The following TMEM117 variants were observed in gnomAD, a reference collection of about 807,000 sequenced individuals.
TMEM117 encodes transmembrane protein 117.
TMEM117 carries 27 observed loss-of-function variants against 52.4 expected under a neutral mutation model. The ratio of observed to expected loss-of-function variants is 0.51; its 90% confidence interval spans 0.38 to 0.71. The LOEUF is 0.71. TMEM117 is among the 30% of genes least tolerant of loss of function. TMEM117 has a pLI of 0.00. For synonymous variants in TMEM117, 215 were observed against 206.3 expected (o/e 1.04, Z -0.36); for missense variants, 556 against 630.5 (o/e 0.88, Z 1.26).
chr12:43,981,112 G>A (rs1241694918), intron 3 of TMEM117, among the ~76,000 whole-genome samples: 1 of 152,096 alleles, frequency 6.6e-6, no homozygotes, highest in South Asian at 2.1e-4. Flanking sequence ...AAGAAAGTTA[G>A]TGTCTTTCCC....
At chr12:44,277,403 T>C (rs1028366576) in intron 5 of TMEM117, among the ~76,000 whole-genome samples, 2 of 152,136 alleles carry the variant, frequency 1.3e-5, no homozygotes, top group Non-Finnish European at 2.9e-5. Flanking sequence ...ATTACAAGAA[T>C]TTTGATATCT....
intron 1 of TMEM117, among the ~76,000 whole-genome samples, chr12:43,839,969 C>G (rs1052123387): frequency 3.3e-5 from 5 of 152,220 alleles, no homozygotes; most frequent in African/African-American, 1.2e-4. Context: ...TTAACTCTCA[C>G]AGGATAACCC....
At chr12:44,029,760 G>A (rs924633242) in intron 3 of TMEM117, among the ~76,000 whole-genome samples, 6 of 152,192 alleles carry the variant, frequency 3.9e-5, no homozygotes, top group Admixed American at 3.3e-4. Flanking sequence ...TAGTGGAGAG[G>A]GGTACCTTAG....
At chr12:43,943,478 C>T (rs955361176) in intron 2 of TMEM117, among the ~76,000 whole-genome samples, 1 of 152,118 alleles carries the variant, frequency 6.6e-6, no homozygotes, top group African/African-American at 2.4e-5. Flanking sequence ...TAGTGTTCAT[C>T]TTAATATATG....
intron 2 of TMEM117, among the ~76,000 whole-genome samples, chr12:43,885,562 A>G (rs1392313498): frequency 6.6e-6 from 1 of 151,982 alleles, no homozygotes; most frequent in Admixed American, 6.6e-5. Flanking sequence ...TACCATTTTG[A>G]GATGACTACT....
At chr12:43,977,519 A>G (rs1037264915) in intron 3 of TMEM117, among the ~76,000 whole-genome samples, 1 of 152,172 alleles carries the variant, frequency 6.6e-6, no homozygotes, top group Non-Finnish European at 1.5e-5. Context: ...TGCGGGTTTT[A>G]TGTCTAGAGA....
At chr12:44,350,209 C>G (rs1951542377) in intron 6 of TMEM117, among the ~76,000 whole-genome samples, 1 of 151,900 alleles carries the variant, frequency 6.6e-6, no homozygotes, top group Non-Finnish European at 1.5e-5. Context: ...TGAGTACATA[C>G]TAGGTATATA....
In TMEM117 at chr12:44,206,922, A is replaced by G. The variant is rs554866932; in HGVS notation, c.511-4368A>G. 2.0e-5 allele frequency among the ~76,000 whole-genome samples: 3 copies of G among 152,268 alleles called. No homozygotes were observed. In the South Asian group the frequency reaches 6.2e-4, roughly 32 times the overall value. On this transcript the variant is annotated intron_variant, in intron 4 of 7. Coordinates refer to ENST00000266534, the MANE Select transcript of TMEM117 (RefSeq NM_032256.3). ...GTACAGCAAACCCCAGTGACACACA[A>G]TCTACCCATGCAACAAACCTGCACA...
At chr12:44,144,800 A>G (rs1189113399) in intron 4 of TMEM117, among the ~76,000 whole-genome samples, 1 of 151,914 alleles carries the variant, frequency 6.6e-6, no homozygotes, top group Non-Finnish European at 1.5e-5. Flanking sequence ...ATTTATTTGT[A>G]ATCTCTAGAA....
At chr12:44,085,513 T>C (rs1947552466) in intron 3 of TMEM117, among the ~76,000 whole-genome samples, 1 of 152,250 alleles carries the variant, frequency 6.6e-6, no homozygotes, top group South Asian at 2.1e-4. Context: ...AATAGGGAGC[T>C]TGATCTGAGA....
chr12:43,988,520 G>A (rs1945884383), intron 3 of TMEM117, among the ~76,000 whole-genome samples: 1 of 152,110 alleles, frequency 6.6e-6, no homozygotes, highest in Non-Finnish European at 1.5e-5. Context: ...TAGAATGAAA[G>A]TATGTAGTCT....
chr12:44,385,614 AT>A (rs1279524979), intron 7 of TMEM117, among the ~76,000 whole-genome samples: 1 of 152,110 alleles, frequency 6.6e-6, no homozygotes, highest in Non-Finnish European at 1.5e-5. Context: ...GAAAATAAAA[AT>A]TTTATAAGGA....
chr12:44,244,393 GTCTA>G (rs561962371), intron 5 of TMEM117: 5 of 151,406 alleles, frequency 3.3e-5, no homozygotes, highest in African/African-American at 7.3e-5. Context: ...CATTTTTTTT[GTCTA>G]TCTGTTGGCC....
intron 1 of TMEM117, among the ~76,000 whole-genome samples, chr12:43,839,374 T>C (rs1047807125): frequency 2.6e-5 from 4 of 152,138 alleles, no homozygotes; most frequent in African/African-American, 9.7e-5. Flanking sequence ...CTTCTGTACC[T>C]AATCTCTTTC....
At chr12:44,113,855 G>A (rs1341206152) in intron 3 of TMEM117, among the ~76,000 whole-genome samples, 1 of 54,796 alleles carries the variant, frequency 1.8e-5, no homozygotes, top group Admixed American at 2.0e-4. Context: ...CTAGCAATCA[G>A]CGAGATTCCG....
chr12:44,039,505 A>T (rs1946764092), intron 3 of TMEM117, among the ~76,000 whole-genome samples: 1 of 151,818 alleles, frequency 6.6e-6, no homozygotes, highest in South Asian at 2.1e-4. Flanking sequence ...TTGGAATTAG[A>T]TGATGAAGTT....
intron 3 of TMEM117, among the ~76,000 whole-genome samples, chr12:44,139,762 T>C (rs1199291920): frequency 1.3e-5 from 2 of 152,092 alleles, no homozygotes; most frequent in African/African-American, 2.4e-5. Flanking sequence ...GCAAATAAAG[T>C]TTAATTCTGA....
chr12:44,192,991 T>G (rs1231308304), intron 4 of TMEM117, among the ~76,000 whole-genome samples: 2 of 152,200 alleles, frequency 1.3e-5, no homozygotes, highest in African/African-American at 4.8e-5. Context: ...GAGGTATGTG[T>G]TGGGAGGGGA....
intron 3 of TMEM117, among the ~76,000 whole-genome samples, chr12:44,079,998 A>G (rs1947454627): frequency 6.8e-6 from 1 of 146,856 alleles, no homozygotes; most frequent in Admixed American, 6.8e-5. Context: ...AGCCTGGGCG[A>G]CAGAGTAACT....
Sources: gnomAD v4.1 joint callset for allele counts (sites outside exome capture counted in the v4.1 genomes callset) on GRCh38, gnomAD v4.1.1 for gene constraint, MANE v1.5 for transcripts, NCBI Gene and HGNC (gene_info 2026-07-23, HGNC 2026-07-21) for gene names.